The following SPACA7 variants were observed in gnomAD, a reference collection of about 807,000 sequenced individuals.
SPACA7 encodes the protein sperm acrosome-associated protein 7.
A neutral mutation model predicts 26.3 loss-of-function variants in SPACA7; 19 were observed. That is an observed-to-expected ratio of 0.72 (90% CI 0.50 to 1.06). SPACA7 has a LOEUF of 1.06. Ranked by LOEUF, SPACA7 falls within the 50% of genes least tolerant of loss-of-function variation. The pLI, the probability that SPACA7 is intolerant of heterozygous loss-of-function variation, is 0.00. For missense variants in SPACA7, 211 were observed against 229.9 expected (o/e 0.92, Z 0.53); for synonymous variants, 84 against 84.5 (o/e 0.99, Z 0.04).
chr13:112,429,259 T>A (rs762738063), intron 5 of SPACA7, among the ~76,000 whole-genome samples: 3 of 151,944 alleles, frequency 2.0e-5, no homozygotes, highest in Non-Finnish European at 4.4e-5. Flanking sequence ...ACTTGTAGTT[T>A]CAGCTACTCA....
intron 6 of SPACA7, among the ~76,000 whole-genome samples, 191 bp from the exon 7 acceptor site, chr13:112,434,294 C>T (rs1275019511): frequency 6.6e-6 from 1 of 152,166 alleles, no homozygotes; most frequent in African/African-American, 2.4e-5. Context: ...CAGGGAGAGC[C>T]AAAGGCAGCC....
chr13:112,426,507 A>C lies in SPACA7; in HGVS notation c.446-5937A>C, dbSNP rs191630399. ...ATAGATCAATTTGGTAAGATCTGCCATCTTAACAATTTCCAGTCTTCCTAC... is the reference window on the plus strand; with the variant it reads ...ATAGATCAATTTGGTAAGATCTGCCCTCTTAACAATTTCCAGTCTTCCTAC... On this transcript the variant is annotated intron_variant, in intron 5 of 6. Coordinates refer to ENST00000283550, the MANE Select transcript of SPACA7 (RefSeq NM_145248.5). Among the ~76,000 whole-genome samples, 281 of 152,370 alleles carry C rather than the reference A, an allele frequency of 1.8e-3. 2 individuals are homozygous for C. Among genetic ancestry groups the C allele is most frequent in the Non-Finnish European group, 3.3e-3 (222 of 68,042 alleles).
intron 1 of SPACA7, among the ~76,000 whole-genome samples, chr13:112,383,636 C>G (rs1490104641): frequency 6.6e-6 from 1 of 152,048 alleles, no homozygotes; most frequent in South Asian, 2.1e-4. Flanking sequence ...TCTTGAGGTC[C>G]CAAGATATCT....
At chr13:112,418,896 G>A (rs1566483804) in intron 5 of SPACA7, among the ~76,000 whole-genome samples, 1 of 152,042 alleles carries the variant, frequency 6.6e-6, no homozygotes, top group Non-Finnish European at 1.5e-5. Flanking sequence ...AGTGGTGGGT[G>A]CCTGTAATTC....
chr13:112,419,319 C>A lies in SPACA7; in HGVS notation c.446-13125C>A, dbSNP rs144875617. Among the ~76,000 whole-genome samples the A allele has an allele frequency of 5.9e-5, 9 of 152,176 alleles. No homozygotes were observed. The East Asian group carries it at 1.4e-3, about 23-fold the overall frequency. On this transcript the variant is annotated intron_variant, in intron 5 of 6. Coordinates refer to ENST00000283550, the MANE Select transcript of SPACA7 (RefSeq NM_145248.5). The stretch of plus-strand genomic sequence containing the variant: ...TATGCATTTGAAAAATCCAGAGGCC[C>A]CAGGCACAAGGGGGCTTGCACTCAC...
chr13:112,389,039 A>G (rs189357965), intron 1 of SPACA7, among the ~76,000 whole-genome samples: 280 of 152,338 alleles, frequency 1.8e-3, no homozygotes, highest in African/African-American at 6.6e-3. Flanking sequence ...AGAATCTGGT[A>G]GCCTCCAGCT....
chr13:112,398,284 T>A (rs951041345), intron 3 of SPACA7, 146 bp downstream of exon 3: 2 of 632,720 alleles, frequency 3.2e-6, no homozygotes, highest in Admixed American at 2.7e-5. Flanking sequence ...GTGAACAATA[T>A]GGCATCTAAA....
intron 5 of SPACA7, among the ~76,000 whole-genome samples, chr13:112,404,226 T>C (rs1223105232): frequency 1.3e-5 from 2 of 152,246 alleles, no homozygotes; most frequent in Non-Finnish European, 2.9e-5. Flanking sequence ...ATATATTCTT[T>C]TGAGAATTGT....
chr13:112,403,542 T>C (rs1484826143), intron 5 of SPACA7, among the ~76,000 whole-genome samples: 2 of 152,150 alleles, frequency 1.3e-5, no homozygotes, highest in African/African-American at 4.8e-5. Flanking sequence ...GTACACACTG[T>C]ACCCAATTTG....
chr13:112,383,106 AAAAGAAAAGAAAAGAAAAGAAAGAAAG>A (rs1483144142), intron 1 of SPACA7, among the ~76,000 whole-genome samples: 24 of 22,922 alleles, frequency 1.0e-3, no homozygotes, highest in East Asian at 2.1e-3. Context: ...AAGAAGAAAG[AAAAGAAAAGAAAAGAAAAGAAAGAAAG>A]AAAGAAAGAA....
At chr13:112,382,059 T>A (rs1353675726) in intron 1 of SPACA7, among the ~76,000 whole-genome samples, 1 of 152,212 alleles carries the variant, frequency 6.6e-6, no homozygotes, top group African/African-American at 2.4e-5. Context: ...GTTACCGTCT[T>A]TGTTTAAACT....
chr13:112,423,328 C>T (rs1876176280), intron 5 of SPACA7, among the ~76,000 whole-genome samples: 1 of 152,036 alleles, frequency 6.6e-6, no homozygotes, highest in African/African-American at 2.4e-5. Flanking sequence ...GCATTAAATG[C>T]TTATGCTAAA....
intron 5 of SPACA7, among the ~76,000 whole-genome samples, chr13:112,420,933 T>C (rs1875895671): frequency 6.6e-6 from 1 of 152,110 alleles, no homozygotes; most frequent in Non-Finnish European, 1.5e-5. Flanking sequence ...CATCTTTAAA[T>C]GACTGAAAGA....
At chr13:112,400,808 C>T (rs1885590744) in intron 4 of SPACA7, among the ~76,000 whole-genome samples, 1 of 152,170 alleles carries the variant, frequency 6.6e-6, no homozygotes, top group Non-Finnish European at 1.5e-5. Context: ...TTCATATTGT[C>T]AGGAATTATC....
At chr13:112,383,720 T>C (rs1195343132) in intron 1 of SPACA7, among the ~76,000 whole-genome samples, 1 of 152,248 alleles carries the variant, frequency 6.6e-6, no homozygotes, top group East Asian at 1.9e-4. Context: ...AGGGACTCTG[T>C]GTGGACAAGG....
intron 5 of SPACA7, among the ~76,000 whole-genome samples, chr13:112,404,342 T>G (rs1460834331): frequency 6.6e-6 from 1 of 152,222 alleles, no homozygotes; most frequent in Non-Finnish European, 1.5e-5. Context: ...GTATAGATTG[T>G]GAAGATTTTC....
chr13:112,395,563 T>C (rs1885189519), intron 2 of SPACA7, among the ~76,000 whole-genome samples: 1 of 152,152 alleles, frequency 6.6e-6, no homozygotes, highest in African/African-American at 2.4e-5. Flanking sequence ...CTCCACCTTC[T>C]GGGTTCAAGC....
chr13:112,410,450 A>G (rs1000674288), intron 5 of SPACA7, among the ~76,000 whole-genome samples: 1 of 152,068 alleles, frequency 6.6e-6, no homozygotes, highest in Non-Finnish European at 1.5e-5. Context: ...ATATATTCTG[A>G]ATATTAATCT....
rs1010604334 is a variant in SPACA7 at position 112,383,085 on chromosome 13, A to G, written c.94+6606A>G. On this transcript the variant is annotated intron_variant, in intron 1 of 6. Transcript: ENST00000283550. ...GAGACAGAAAGAGAAAGAAAGAAAA[A>G]GAAAGAAAGAAAGAAGAAAGAAAAG... 5.0e-3 allele frequency among the ~76,000 whole-genome samples: 526 copies of G among 105,878 alleles called. 2 individuals are homozygous for G. Among genetic ancestry groups the G allele is most frequent in the African/African-American group, 0.015 (441 of 29,068 alleles). 69.5% of individuals were successfully genotyped at this position (105,878 alleles called of 152,430 possible). A position where few individuals can be genotyped will look rare whatever the true frequency, so the allele number is the denominator to read the frequency against.
Sources: gnomAD v4.1 joint callset for allele counts (sites outside exome capture counted in the v4.1 genomes callset) on GRCh38, gnomAD v4.1.1 for gene constraint, MANE v1.5 for transcripts, NCBI Gene and HGNC (gene_info 2026-07-23, HGNC 2026-07-21) for gene names.